Variants in DPP4 observed in about 807,000 individuals in gnomAD.
DPP4 encodes the protein dipeptidyl peptidase 4.
DPP4 carries 93 observed loss-of-function variants against 122.4 expected under a neutral mutation model. That is an observed-to-expected ratio of 0.76 (90% confidence interval 0.64 to 0.90). The LOEUF (loss-of-function observed/expected upper bound fraction) is 0.90. Among genes scored for constraint, DPP4 ranks in the 40% least tolerant of loss-of-function variants. The probability of loss-of-function intolerance (pLI) is 0.00; values close to 1 mark genes in which losing one functional copy is unlikely to be tolerated. For missense variants in DPP4, 914 were observed against 907.3 expected (o/e 1.01, Z -0.09); for synonymous variants, 321 against 302.9 (o/e 1.06, Z -0.62).
At chr2:162,013,799 G>A (rs1682800800) in intron 19 of DPP4, among the ~76,000 whole-genome samples, 1 of 152,120 alleles carries the variant, frequency 6.6e-6, no homozygotes, top group African/African-American at 2.4e-5. Context: ...TTAAAGTAGG[G>A]TGTATTCCTA....
chr2:162,036,673 C>A (rs1402349931), intron 8 of DPP4, among the ~76,000 whole-genome samples: 1 of 152,106 alleles, frequency 6.6e-6, no homozygotes, highest in African/African-American at 2.4e-5. Flanking sequence ...CCTTTGACTG[C>A]CTCATATCTA....
chr2:162,070,815 C>CT (rs34775433), intron 2 of DPP4, among the ~76,000 whole-genome samples: 8 of 152,104 alleles, frequency 5.3e-5, no homozygotes, highest in African/African-American at 1.4e-4. Flanking sequence ...GATGACTTCC[C>CT]TTTTTTCCTT....
chr2:162,010,461 CA>C (rs1682652502), intron 20 of DPP4, among the ~76,000 whole-genome samples: 1 of 152,170 alleles, frequency 6.6e-6, no homozygotes, highest in South Asian at 2.1e-4. Flanking sequence ...ATATGCAATT[CA>C]TCCATGTTGT....
chr2:162,059,779 T>C lies in DPP4; in HGVS notation c.95-12278A>G, dbSNP rs150986053. ...CAGGAATTGCCCCATTCCCAGTATT[T>C]GCCAGGCAAAACATTCAGCAGTATG... On this transcript the variant is annotated intron_variant, in intron 2 of 25. Transcript: ENST00000360534. 2.7e-3 allele frequency among the ~76,000 whole-genome samples: 413 copies of C among 152,334 alleles called. 2 individuals carry two copies. The highest frequency in any genetic ancestry group is 9.4e-3 in the African/African-American group (390 of 41,562).
rs922567738 is a variant in DPP4 at position 162,019,337 on chromosome 2, C to G, written c.1245-61G>C. The G allele has an allele frequency of 5.9e-6, 7 of 1,181,574 alleles. No homozygotes were observed. The African/African-American group carries it at 9.5e-5, about 16-fold the overall frequency. 73.2% of individuals were successfully genotyped at this position (1,181,574 alleles called of 1,614,324 possible). A position where few individuals can be genotyped will look rare whatever the true frequency, so the allele number is the denominator to read the frequency against. ...TGTTTTTTAAGAAGTCAGAGGCGATCCACCGCACTCAGACCCCAAGCCTAA... is the reference window on the plus strand; with the variant it reads ...TGTTTTTTAAGAAGTCAGAGGCGATGCACCGCACTCAGACCCCAAGCCTAA... On this transcript the variant is annotated intron_variant, in intron 14 of 25. Transcript: ENST00000360534.
chr2:162,057,151 T>C (rs986176680), intron 2 of DPP4, among the ~76,000 whole-genome samples: 8 of 152,232 alleles, frequency 5.3e-5, no homozygotes, highest in Non-Finnish European at 1.2e-4. Context: ...AACTGTCTCC[T>C]GTCCTTTCAC....
At chr2:162,003,944 A>C (rs1035359023) in intron 23 of DPP4, among the ~76,000 whole-genome samples, 1 of 152,198 alleles carries the variant, frequency 6.6e-6, no homozygotes, top group South Asian at 2.1e-4. Flanking sequence ...ATATACAAGG[A>C]AACTATCAAA....
chr2:162,015,675 C>T (rs1420077436), intron 18 of DPP4, among the ~76,000 whole-genome samples: 4 of 152,116 alleles, frequency 2.6e-5, no homozygotes, highest in Non-Finnish European at 5.9e-5. Flanking sequence ...ATGGCTATAA[C>T]CACCTCCCCA....
intron 5 of DPP4, among the ~76,000 whole-genome samples, chr2:162,041,308 G>A (rs1157501573): frequency 1.3e-5 from 2 of 152,066 alleles, no homozygotes; most frequent in South Asian, 2.1e-4. Context: ...GTAAGAAATT[G>A]TATCTTATTT....
intron 22 of DPP4, among the ~76,000 whole-genome samples, chr2:162,008,314 C>T (rs777600433): frequency 8.5e-5 from 13 of 152,190 alleles, no homozygotes; most frequent in Non-Finnish European, 1.0e-4. Flanking sequence ...TAGCATGGGG[C>T]TATTTTGAAA....
intron 22 of DPP4, among the ~76,000 whole-genome samples, chr2:162,006,612 G>A (rs1299026782): frequency 6.6e-6 from 1 of 152,034 alleles, no homozygotes; most frequent in Non-Finnish European, 1.5e-5. Flanking sequence ...TATAAATATG[G>A]TTGAAAAACA....
intron 23 of DPP4, among the ~76,000 whole-genome samples, chr2:162,003,359 T>C (rs541938111): frequency 6.6e-6 from 1 of 152,184 alleles, no homozygotes; most frequent in South Asian, 2.1e-4. Context: ...ACTGGAAATT[T>C]ATGCAGGTTG....
At chr2:162,050,407 T>C (rs1335672112) in intron 2 of DPP4, among the ~76,000 whole-genome samples, 3 of 152,180 alleles carry the variant, frequency 2.0e-5, no homozygotes, top group Admixed American at 6.5e-5. Context: ...CCACAGTTTT[T>C]GAAAACCCAT....
intron 5 of DPP4, among the ~76,000 whole-genome samples, chr2:162,044,194 C>T (rs906725917): frequency 4.6e-5 from 7 of 152,160 alleles, no homozygotes; most frequent in Non-Finnish European, 1.0e-4. Flanking sequence ...AAACAATAAT[C>T]CATTAATTGG....
chr2:162,036,507 C>T (rs1194594865), intron 8 of DPP4, among the ~76,000 whole-genome samples: 1 of 152,130 alleles, frequency 6.6e-6, no homozygotes. Context: ...AGAAATTTGT[C>T]TAGGATCACA....
intron 18 of DPP4, among the ~76,000 whole-genome samples, chr2:162,015,980 A>C (rs1247650549): frequency 6.6e-6 from 1 of 152,168 alleles, no homozygotes; most frequent in African/African-American, 2.4e-5. Context: ...TCTTAATATA[A>C]GATCCCAGGA....
At chr2:162,046,156 G>A (rs890003977) in intron 4 of DPP4, among the ~76,000 whole-genome samples, 1 of 152,182 alleles carries the variant, frequency 6.6e-6, no homozygotes, top group Non-Finnish European at 1.5e-5. Context: ...GAAGAGCGGA[G>A]GGCTGATATC....
chr2:162,029,626 G>A (rs184583125), intron 10 of DPP4, among the ~76,000 whole-genome samples: 1 of 152,330 alleles, frequency 6.6e-6, no homozygotes, highest in East Asian at 1.9e-4. Context: ...CAGCTTTATA[G>A]GCCAGGGGTC....
In DPP4 at chr2:161,994,845, A is replaced by T. The variant is rs888659105; in HGVS notation, c.2199+116T>A. The T allele has an allele frequency of 3.2e-5, 31 of 966,686 alleles. No individual in the cohort carries two copies. The African/African-American group carries it at 4.8e-4, about 15-fold the overall frequency. The allele number at this position is 966,686 out of a possible 1,614,324, so 59.9% of individuals were successfully genotyped here. On this transcript the variant is annotated intron_variant, in intron 25 of 25. Coordinates refer to ENST00000360534, the MANE Select transcript of DPP4 (RefSeq NM_001935.4). ...TCTTCTGACTTCACGTTGAAAAAAA[A>T]ATTTTTAATGTTTTTATTCTGTCCT...
Sources: allele counts gnomAD v4.1 joint callset (sites outside exome capture counted in the v4.1 genomes callset), GRCh38; gene constraint gnomAD v4.1.1; transcripts MANE v1.5; gene names NCBI Gene and HGNC (gene_info 2026-07-23, HGNC 2026-07-21).